The following BBS9 variants were observed in gnomAD, a reference collection of about 807,000 sequenced individuals.
The protein encoded by BBS9 is Bardet-Biedl syndrome 9.
A neutral mutation model predicts 117.7 loss-of-function variants in BBS9; 89 were observed. The ratio of observed to expected loss-of-function variants is 0.76; its 90% CI spans 0.64 to 0.90. BBS9 has a LOEUF of 0.90. Among genes scored for constraint, BBS9 ranks in the 40% least tolerant of loss-of-function variants. BBS9 has a pLI of 0.00. For missense variants in BBS9, 982 were observed against 1,042.2 expected, an observed-to-expected ratio of 0.94 and a Z score of 0.80; for synonymous variants, 379 against 370.9, an observed-to-expected ratio of 1.02 and a Z score of -0.25.
chr7:33,421,315 G>A (rs375978194), intron 19 of BBS9, among the ~76,000 whole-genome samples: 3 of 152,036 alleles, frequency 2.0e-5, no homozygotes, highest in African/African-American at 4.8e-5. Context: ...AGATCTAGTC[G>A]TGAGGGAGTG....
intron 19 of BBS9, among the ~76,000 whole-genome samples, chr7:33,392,720 T>C (rs1827265845): frequency 6.6e-6 from 1 of 152,228 alleles, no homozygotes; most frequent in African/African-American, 2.4e-5. Flanking sequence ...AGTTTTTCTA[T>C]ACTTAGAGAT....
At chr7:33,550,197 G>A (rs866079662) in intron 21 of BBS9, among the ~76,000 whole-genome samples, 6 of 151,922 alleles carry the variant, frequency 3.9e-5, no homozygotes, top group East Asian at 1.9e-4. Flanking sequence ...GTATCTGCTC[G>A]CTCTCTGAGA....
At chr7:33,435,128 G>A (rs1482986839) in intron 19 of BBS9, among the ~76,000 whole-genome samples, 1 of 152,102 alleles carries the variant, frequency 6.6e-6, no homozygotes, top group Non-Finnish European at 1.5e-5. Flanking sequence ...AATACCGCAT[G>A]TTGAGAAGGT....
At chr7:33,574,496 A>C (rs1272056311) in intron 21 of BBS9, among the ~76,000 whole-genome samples, 3 of 152,124 alleles carry the variant, frequency 2.0e-5, no homozygotes, top group African/African-American at 7.2e-5. Flanking sequence ...TGCATGTTCA[A>C]GGTCTGGGCT....
chr7:33,141,480 C>G (rs1003918936), intron 1 of BBS9, among the ~76,000 whole-genome samples: 1 of 152,166 alleles, frequency 6.6e-6, no homozygotes, highest in East Asian at 1.9e-4. Flanking sequence ...ATCCTCTCAC[C>G]TCAGACTCCT....
At chr7:33,389,889 G>T (rs1228845169) in intron 19 of BBS9, among the ~76,000 whole-genome samples, 1 of 151,940 alleles carries the variant, frequency 6.6e-6, no homozygotes, top group East Asian at 1.9e-4. Flanking sequence ...TCCATAAAAT[G>T]AGATGACTAC....
chr7:33,196,012 A>G (rs1264993550), intron 5 of BBS9, among the ~76,000 whole-genome samples: 1 of 152,142 alleles, frequency 6.6e-6, no homozygotes, highest in African/African-American at 2.4e-5. Context: ...ATTTTTATCA[A>G]TAATATATAT....
intron 19 of BBS9, among the ~76,000 whole-genome samples, chr7:33,421,937 A>G (rs1257827432): frequency 6.6e-6 from 1 of 152,202 alleles, no homozygotes; most frequent in East Asian, 1.9e-4. Flanking sequence ...GTCAGAAAAT[A>G]CAGAAAAGGG....
At chr7:33,620,579 GA>G (rs1304033138) in intron 21 of BBS9, among the ~76,000 whole-genome samples, 1 of 151,120 alleles carries the variant, frequency 6.6e-6, no homozygotes, top group Non-Finnish European at 1.5e-5. Flanking sequence ...AAGCATTGAT[GA>G]AAAAAAAGGA....
intron 9 of BBS9, among the ~76,000 whole-genome samples, chr7:33,293,980 G>GT (rs1201481002): frequency 6.6e-6 from 1 of 151,934 alleles, no homozygotes; most frequent in Admixed American, 6.6e-5. Context: ...AAGTTATATT[G>GT]TTCTAATGTG....
chr7:33,347,556 A>G (rs1817829103), intron 12 of BBS9, among the ~76,000 whole-genome samples: 1 of 152,046 alleles, frequency 6.6e-6, no homozygotes, highest in African/African-American at 2.4e-5. Flanking sequence ...GGTGTTTATC[A>G]TATTTAATTG....
intron 17 of BBS9, among the ~76,000 whole-genome samples, chr7:33,379,610 A>G (rs1824570519): frequency 6.6e-6 from 1 of 152,214 alleles, no homozygotes; most frequent in Non-Finnish European, 1.5e-5. Flanking sequence ...TAAAGAAAAC[A>G]TATTTTATTA....
chr7:33,350,048 G>A (rs531699652), intron 13 of BBS9, among the ~76,000 whole-genome samples: 1 of 152,220 alleles, frequency 6.6e-6, no homozygotes, highest in Admixed American at 6.5e-5. Flanking sequence ...GTCATTAATG[G>A]CAACTCTTAG....
intron 5 of BBS9, among the ~76,000 whole-genome samples, chr7:33,248,245 G>A (rs934388913): frequency 3.9e-5 from 6 of 152,106 alleles, no homozygotes; most frequent in Admixed American, 1.3e-4. Flanking sequence ...CTCAACATAT[G>A]CATTCTATTT....
chr7:33,418,816 T>A (rs1357552814), intron 19 of BBS9, among the ~76,000 whole-genome samples: 1 of 152,212 alleles, frequency 6.6e-6, no homozygotes, highest in African/African-American at 2.4e-5. Flanking sequence ...TTTGATCCAT[T>A]TCCTTTTTTA....
chr7:33,476,559 A>G (rs1228074517), intron 19 of BBS9, among the ~76,000 whole-genome samples: 2 of 152,146 alleles, frequency 1.3e-5, no homozygotes, highest in Non-Finnish European at 2.9e-5. Flanking sequence ...GGGCTGTGAT[A>G]GCTTTGTCTC....
intron 5 of BBS9, among the ~76,000 whole-genome samples, chr7:33,254,440 A>G (rs1457034168): frequency 1.3e-5 from 2 of 151,690 alleles, no homozygotes; most frequent in Admixed American, 6.5e-5. Flanking sequence ...TCTGATATAC[A>G]TATACATTGT....
At chr7:33,235,849 A>G (rs1026296250) in intron 5 of BBS9, among the ~76,000 whole-genome samples, 6 of 152,132 alleles carry the variant, frequency 3.9e-5, no homozygotes, top group Admixed American at 6.6e-5. Flanking sequence ...CCCAAATTTT[A>G]TATATTTTTA....
In BBS9 at chr7:33,452,883, A is replaced by G. The variant is rs1480241977; in HGVS notation, c.2116-52580A>G. On this transcript the variant is annotated intron_variant, in intron 19 of 22. Transcript: ENST00000242067. ...TCAAAAGAGCTTTCTGCCTGTCTGT[A>G]ATTTCTTCTGGCTGAATAAATTTAT... is the stretch of plus-strand genomic sequence containing the variant. Among the ~76,000 whole-genome samples the G allele has an allele frequency of 4.6e-5, 7 of 152,212 alleles. 1 individual carries two copies. In the East Asian group the frequency reaches 1.3e-3, roughly 29 times the overall value.
Sources: gnomAD v4.1 joint callset for allele counts (sites outside exome capture counted in the v4.1 genomes callset) on GRCh38, gnomAD v4.1.1 for gene constraint, MANE v1.5 for transcripts, NCBI Gene and HGNC (gene_info 2026-07-23, HGNC 2026-07-21) for gene names.